The following RIF1 variants were observed in gnomAD, a reference collection of about 807,000 sequenced individuals.
RIF1 encodes the protein replication timing regulatory factor 1.
RIF1 carries 45 observed loss-of-function variants against 247.1 expected under a neutral mutation model. The ratio of observed to expected loss-of-function variants is 0.18; its 90% confidence interval spans 0.14 to 0.23. RIF1 has a LOEUF of 0.23. Among genes scored for constraint, RIF1 ranks in the 10% least tolerant of loss-of-function variants. RIF1 has a pLI of 1.00. For synonymous variants in RIF1, 1,087 were observed against 978.8 expected (o/e 1.11, Z -2.06); for missense variants, 2,967 against 2,862.5 (o/e 1.04, Z -0.83).
At chr2:151,460,522 A>G (rs986661506) in intron 26 of RIF1, among the ~76,000 whole-genome samples, 48 of 78,450 alleles carry the variant, frequency 6.1e-4, no homozygotes, top group African/African-American at 1.7e-3. Flanking sequence ...TAAGACACCT[A>G]TGTTCTTATC....
Position 151,443,617 on chromosome 2 carries a change from A to G in RIF1, c.1894A>G (p.Ile632Val), listed in dbSNP as rs1692741734. The change falls in exon 18 of 36, where the codon ATT becomes GTT. Residue 632 changes from isoleucine to valine, a missense_variant. Coordinates refer to ENST00000444746, the MANE Select transcript of RIF1 (RefSeq NM_018151.5). ...LAFSDSVLNV[I>V]NQNAKQLENK... The stretch of plus-strand genomic sequence containing the variant: ...TTTCAGTGACTCAGTTTTAAATGTT[A>G]TTAATCAAAATGCAAAGCAGTTGGA... 2 of 1,612,522 alleles carry G rather than the reference A, an allele frequency of 1.2e-6. No individual in the cohort carries two copies. Among genetic ancestry groups the G allele is most frequent in the East Asian group, 2.2e-5 (1 of 44,790 alleles).
chr2:151,523,053 A>G, the RIF1 span, among the ~76,000 whole-genome samples: 4 of 152,208 alleles, frequency 2.6e-5, no homozygotes, highest in African/African-American at 7.2e-5. Context: ...AAAGTTTTCA[A>G]AATTTCAACA....
chr2:151,432,930 T>C, intron 9 of RIF1, 147 bp from the exon 10 acceptor site: 2 of 521,464 alleles, frequency 3.8e-6, no homozygotes, highest in Non-Finnish European at 6.4e-6. Flanking sequence ...AAGTTTTGGG[T>C]AGAGCAAGGA....
intron 21 of RIF1, among the ~76,000 whole-genome samples, chr2:151,454,015 G>A (rs1694792335): frequency 6.6e-6 from 1 of 152,158 alleles, no homozygotes; most frequent in South Asian, 2.1e-4. Context: ...CATAATGGCT[G>A]TCACCTCACC....
At chr2:151,458,046 C>A in intron 24 of RIF1, 83 bp downstream of exon 24, 1 of 954,774 alleles carries the variant, frequency 1.0e-6, no homozygotes, top group Non-Finnish European at 1.6e-6. Context: ...ATAATCTTTT[C>A]TTATGGGGTA....
At chr2:151,503,489 C>G in intron 12 of RIF1, 1 of 1,297,166 alleles carries the variant, frequency 7.7e-7, no homozygotes, top group Non-Finnish European at 1.1e-6. Context: ...GACCGTAAAT[C>G]CTTTAGATAG....
At chr2:151,471,674 G>C (rs1444173107) in intron 34 of RIF1, among the ~76,000 whole-genome samples, 2 of 152,066 alleles carry the variant, frequency 1.3e-5, no homozygotes, top group African/African-American at 2.4e-5. Context: ...AAGACCAGAT[G>C]GTTGTAGCTG....
intron 27 of RIF1, 67 bp downstream of exon 27, chr2:151,461,356 G>A (rs1696125014): frequency 1.4e-6 from 2 of 1,398,944 alleles, no homozygotes; most frequent in South Asian, 2.5e-5. Flanking sequence ...CAAGAAAAGT[G>A]TAACTTTGTG....
Position 151,428,844 on chromosome 2 carries a change from C to T in RIF1, c.847C>T (p.Arg283Cys). The T allele has an allele frequency of 6.4e-7, 1 of 1,565,410 alleles. No individual in the cohort carries two copies. The highest frequency in any genetic ancestry group is 8.8e-7 in the Non-Finnish European group (1 of 1,135,976). Residue 283 changes from arginine to cysteine, a missense_variant, in exon 9 of 36, where the codon CGT becomes TGT. Arg to Cys is a radical substitution (Grantham distance 180). Coordinates refer to ENST00000444746, the MANE Select transcript of RIF1 (RefSeq NM_018151.5). ...CTTGCAACTAGAAGAACTTGGATTT[C>T]GTAGTGGAGCACCCATGATTAAAAA... ...SLLQLEELGF[R>C]SGAPMIKKIA...
the RIF1 span, chr2:151,534,237 G>A: frequency 6.2e-7 from 1 of 1,613,548 alleles, no homozygotes; most frequent in South Asian, 1.1e-5. Context: ...GTCGCCTGCG[G>A]TCTTAGCCAG....
intron 9 of RIF1, chr2:151,492,221 G>C: frequency 6.2e-7 from 1 of 1,613,818 alleles, no homozygotes; most frequent in Non-Finnish European, 8.5e-7. Context: ...TCAGTGATAG[G>C]ATCTGTCACC....
chr2:151,503,155 T>A, exon 12 of RIF1: 1 of 596,268 alleles, frequency 1.7e-6, no homozygotes. Context: ...TCTAGTCAAG[T>A]CACTGAAAAT....
At chr2:151,518,495 T>G in the RIF1 span, 2 of 943,106 alleles carry the variant, frequency 2.1e-6, no homozygotes, top group Non-Finnish European at 3.4e-6. Context: ...CTCTTTAGAT[T>G]AGACGTTTAC....
downstream of RIF1, chr2:151,486,134 A>G (rs1239094864): frequency 3.6e-6 from 2 of 558,822 alleles, no homozygotes; most frequent in Non-Finnish European, 6.3e-6. Flanking sequence ...ATTAATATCC[A>G]GAACATATGA....
chr2:151,524,037 C>T, the RIF1 span, among the ~76,000 whole-genome samples: 1 of 152,154 alleles, frequency 6.6e-6, no homozygotes, highest in Admixed American at 6.5e-5. Flanking sequence ...AGTAGGATCT[C>T]ATGAACTGAT....
At chr2:151,462,831 G>A (rs1016373795) in intron 29 of RIF1, 53 bp from the exon 30 acceptor site, 45 of 1,345,318 alleles carry the variant, frequency 3.3e-5, no homozygotes, top group East Asian at 4.7e-5. Context: ...AGTCAAACTC[G>A]TTTGCTGGTT....
Position 151,468,633 on chromosome 2 carries a change from A to G in RIF1, c.6826-8A>G. 6.2e-7 allele frequency: 1 copy of G among 1,609,790 alleles called. No homozygotes were observed. Among genetic ancestry groups the G allele is most frequent in the Non-Finnish European group, 8.5e-7 (1 of 1,176,054 alleles). On this transcript the variant is annotated splice_region_variant and splice_polypyrimidine_tract_variant and intron_variant, in intron 32 of 35. Transcript: ENST00000444746. ...CTCTGTGTAACAGCTTCTGAAATTT[A>G]TTCTAAGATTTCAGAAATGGCCAAA... is the stretch of plus-strand genomic sequence containing the variant.
downstream of RIF1, among the ~76,000 whole-genome samples, chr2:151,487,125 TC>T (rs996868848): frequency 1.3e-5 from 2 of 152,190 alleles, no homozygotes; most frequent in Non-Finnish European, 2.9e-5. Flanking sequence ...ATGGCCTTTT[TC>T]TACCTTTCGA....
chr2:151,410,286 G>T, intron 1 of RIF1, 128 bp from the exon 2 acceptor site: 1 of 705,224 alleles, frequency 1.4e-6, no homozygotes, highest in Non-Finnish European at 2.4e-6. Flanking sequence ...GGAGGCCTGG[G>T]GTGCAGACGC....
Sources: gnomAD v4.1 joint callset for allele counts (sites outside exome capture counted in the v4.1 genomes callset) on GRCh38, gnomAD v4.1.1 for gene constraint, MANE v1.5 for transcripts, NCBI Gene and HGNC (gene_info 2026-07-23, HGNC 2026-07-21) for gene names.